Variants in MAST2 observed in about 807,000 individuals in gnomAD.
MAST2 encodes the protein microtubule-associated serine/threonine-protein kinase 2.
MAST2 carries 70 observed loss-of-function variants against 147.4 expected under a neutral mutation model. The ratio of observed to expected loss-of-function variants is 0.47; its 90% CI spans 0.39 to 0.58. The LOEUF is 0.58. MAST2 is among the 20% of genes least tolerant of loss of function. The probability of loss-of-function intolerance (pLI) is 0.00; values close to 1 mark genes in which losing one functional copy is unlikely to be tolerated. For missense variants in MAST2, 2,080 were observed against 2,302.3 expected, an observed-to-expected ratio of 0.90 and a Z score of 1.98; for synonymous variants, 869 against 896.8, an observed-to-expected ratio of 0.97 and a Z score of 0.55.
intron 3 of MAST2, among the ~76,000 whole-genome samples, chr1:45,879,849 G>A (rs541214846): frequency 2.0e-5 from 3 of 152,198 alleles, no homozygotes; most frequent in East Asian, 1.9e-4. Context: ...TGAGATACCC[G>A]TACACACCTA....
At chr1:45,877,011 A>T (rs974973712) in intron 3 of MAST2, among the ~76,000 whole-genome samples, 3 of 152,224 alleles carry the variant, frequency 2.0e-5, no homozygotes, top group Admixed American at 6.5e-5. Context: ...GAAAGTAGAA[A>T]AAGAGGATAT....
intron 4 of MAST2, among the ~76,000 whole-genome samples, chr1:45,912,999 A>G (rs1651910710): frequency 6.6e-6 from 1 of 152,176 alleles, no homozygotes; most frequent in Non-Finnish European, 1.5e-5. Flanking sequence ...TTACCCTTCA[A>G]TAGAGGTCTT....
intron 1 of MAST2, among the ~76,000 whole-genome samples, chr1:45,814,175 C>T (rs1327178314): frequency 6.6e-6 from 1 of 152,102 alleles, no homozygotes; most frequent in East Asian, 1.9e-4. Context: ...ATTTACCATA[C>T]TATACTTTCT....
chr1:45,945,870 C>T (rs1159345557), intron 4 of MAST2, among the ~76,000 whole-genome samples: 1 of 152,182 alleles, frequency 6.6e-6, no homozygotes, highest in South Asian at 2.1e-4. Context: ...ACCACAACTT[C>T]CCAGACACTA....
intron 4 of MAST2, among the ~76,000 whole-genome samples, chr1:45,898,042 G>C (rs189751680): frequency 6.6e-6 from 1 of 152,286 alleles, no homozygotes; most frequent in Non-Finnish European, 1.5e-5. Context: ...CTGGGAGGTG[G>C]AGGTTGCAGG....
chr1:45,877,452 C>A (rs1379787157), intron 3 of MAST2, among the ~76,000 whole-genome samples: 7 of 152,116 alleles, frequency 4.6e-5, no homozygotes, highest in African/African-American at 1.4e-4. Flanking sequence ...ACCTAATCAC[C>A]TCCTACAGGC....
chr1:45,918,414 A>C (rs531363067), intron 4 of MAST2, among the ~76,000 whole-genome samples: 53 of 152,282 alleles, frequency 3.5e-4, no homozygotes, highest in Middle Eastern at 6.8e-3. Context: ...ATGAGGCCTG[A>C]AGTGTAGTGG....
In MAST2 at chr1:46,028,946, C is replaced by T. The variant is rs780155666; in HGVS notation, c.2218+13C>T. The T allele has an allele frequency of 1.9e-6, 3 of 1,544,832 alleles. No homozygotes were observed. The highest frequency in any genetic ancestry group is 2.6e-6 in the Non-Finnish European group (3 of 1,149,192). ...CAGGTGATCAGTGGTAGGTACTATG[C>T]CCCTGGCCCAGTGGGGAAACAGAGT... On this transcript the variant is annotated intron_variant, in intron 18 of 28. Transcript: ENST00000361297.
intron 3 of MAST2, among the ~76,000 whole-genome samples, chr1:45,845,920 C>G (rs1645417379): frequency 6.6e-6 from 1 of 152,052 alleles, no homozygotes; most frequent in Non-Finnish European, 1.5e-5. Context: ...ACCACCATGC[C>G]CGGCTAGTTT....
At chr1:45,905,402 G>C (rs1359613695) in intron 4 of MAST2, among the ~76,000 whole-genome samples, 1 of 151,920 alleles carries the variant, frequency 6.6e-6, no homozygotes, top group Non-Finnish European at 1.5e-5. Context: ...TGTCAGGCTG[G>C]TCTCGAACTC....
chr1:45,919,677 C>T (rs923993907), intron 4 of MAST2, among the ~76,000 whole-genome samples: 3 of 152,138 alleles, frequency 2.0e-5, no homozygotes, highest in African/African-American at 7.2e-5. Context: ...GTTGGGTAGC[C>T]CCCAAGATGT....
chr1:45,880,966 C>CAAAAAAA (rs10660375), intron 3 of MAST2, among the ~76,000 whole-genome samples: 2 of 89,772 alleles, frequency 2.2e-5, no homozygotes, highest in African/African-American at 4.0e-5. Flanking sequence ...GACTCCATCT[C>CAAAAAAA]AAAAAAAAAA....
chr1:45,954,038 A>T (rs963685148), intron 4 of MAST2, among the ~76,000 whole-genome samples: 1 of 152,046 alleles, frequency 6.6e-6, no homozygotes. Flanking sequence ...ATTCTTCTTT[A>T]TATTGTTTAC....
intron 4 of MAST2, among the ~76,000 whole-genome samples, chr1:45,954,037 T>C (rs1659314039): frequency 6.6e-6 from 1 of 152,128 alleles, no homozygotes; most frequent in Non-Finnish European, 1.5e-5. Flanking sequence ...CATTCTTCTT[T>C]ATATTGTTTA....
At chr1:45,913,820 A>G in intron 4 of MAST2, 1 of 1,209,662 alleles carries the variant, frequency 8.3e-7, no homozygotes, top group Admixed American at 3.0e-5. Flanking sequence ...AAACTTGAGT[A>G]GCCAGGAGAA....
chr1:46,004,075 C>T (rs1046075429), intron 7 of MAST2, among the ~76,000 whole-genome samples: 6 of 152,098 alleles, frequency 3.9e-5, no homozygotes, highest in Non-Finnish European at 7.4e-5. Context: ...TAAACATTCC[C>T]CTTCCCGGGC....
At chr1:45,818,151 G>C (rs963050148) in intron 1 of MAST2, among the ~76,000 whole-genome samples, 1 of 152,184 alleles carries the variant, frequency 6.6e-6, no homozygotes, top group African/African-American at 2.4e-5. Flanking sequence ...TGTTGTTGTG[G>C]AGAATTGGGT....
In MAST2 at chr1:46,002,884, G is replaced by A; in HGVS notation, c.747+1G>A. 3 of 1,614,020 alleles carry A rather than the reference G, an allele frequency of 1.9e-6. No individual in the cohort carries two copies. Among genetic ancestry groups the A allele is most frequent in the Non-Finnish European group, 2.5e-6 (3 of 1,179,894 alleles). ...TAACACTCCTAGCTCCACTGTCTCA[G>A]TAAGTAGCCAAATCTGTGGCCATAC... is the stretch of plus-strand genomic sequence containing the variant. On this transcript the variant is annotated splice_donor_variant, in intron 7 of 28. Transcript: ENST00000361297. LOFTEE classifies it high-confidence loss of function.
chr1:45,864,847 A>C (rs1646092129), intron 3 of MAST2, among the ~76,000 whole-genome samples: 1 of 152,234 alleles, frequency 6.6e-6, no homozygotes, highest in African/African-American at 2.4e-5. Flanking sequence ...ATGCATGGAA[A>C]ATGAAAACAA....
Sources: allele counts gnomAD v4.1 joint callset (sites outside exome capture counted in the v4.1 genomes callset), GRCh38; gene constraint gnomAD v4.1.1; transcripts MANE v1.5; gene names NCBI Gene and HGNC (gene_info 2026-07-23, HGNC 2026-07-21).